The following PLCG2 variants were observed in gnomAD, a reference collection of about 807,000 sequenced individuals.
PLCG2 encodes phospholipase C gamma 2.
Under a neutral mutation model 175.6 loss-of-function variants are expected in PLCG2, and 69 were observed. The observed-to-expected ratio is 0.39, with a 90% confidence interval of 0.32 to 0.48. PLCG2 has a LOEUF of 0.48. Ranked by LOEUF, PLCG2 falls within the 20% of genes least tolerant of loss-of-function variation. The pLI is 0.91. For synonymous variants in PLCG2, 827 were observed against 624.0 expected (o/e 1.33, Z -4.85); for missense variants, 1,798 against 1,650.9 (o/e 1.09, Z -1.54).
At chr16:81,889,455 T>TACTGTA in intron 10 of PLCG2, 182 bp downstream of exon 10, 1 of 539,866 alleles carries the variant, frequency 1.9e-6, no homozygotes, top group Non-Finnish European at 3.4e-6. Flanking sequence ...GGTTCTAGAT[T>TACTGTA]ACTGTAACTG....
Position 81,917,656 on chromosome 16 carries a change from C to A in PLCG2, c.2055-1828C>A, listed in dbSNP as rs115210011. ...GATTAGTGATGCTGAACATTTTTTA[C>A]GTAACTGTTGGCCATTTATGTATCT... On this transcript the variant is annotated intron_variant, in intron 19 of 32. Transcript: ENST00000564138. Among the ~76,000 whole-genome samples, 1,224 of 152,274 alleles carry A rather than the reference C, an allele frequency of 8.0e-3. 18 individuals are homozygous for A. Among genetic ancestry groups the A allele is most frequent in the African/African-American group, 0.028 (1,170 of 41,558 alleles).
At position 81,910,682 on chromosome 16, in the gene PLCG2, G is replaced by T. The variant is rs746397807; in HGVS notation, c.1896G>T (p.Thr632=). Residue 632 remains threonine (T), a synonymous_variant, in exon 18 of 33, where the codon ACG becomes ACT. Transcript: ENST00000564138. ...GCGCCGAGTTCGAGCTGCGGCTCAC[G>T]GACCCTGTGCCCAACCCCAACCCCC... is the stretch of plus-strand genomic sequence containing the variant. The part of the protein sequence containing the change: ...LRCAEFELRL[T]DPVPNPNPHE... 3.1e-6 allele frequency: 5 copies of T among 1,612,188 alleles called. No homozygotes were observed. The African/African-American group carries it at 4.0e-5, about 13-fold the overall frequency.
At position 81,919,546 on chromosome 16, in the gene PLCG2, C is replaced by T; in HGVS notation, c.2117C>T (p.Thr706Ile). 1.9e-6 allele frequency: 3 copies of T among 1,614,074 alleles called. No individual in the cohort carries two copies. The highest frequency in any genetic ancestry group is 2.5e-6 in the Non-Finnish European group (3 of 1,179,988). The change falls in exon 20 of 33, where the codon ACC (threonine) becomes ATC (isoleucine). Residue 706 changes from threonine (T) to isoleucine (I), a missense_variant. Thr to Ile is a moderately conservative substitution (Grantham distance 89). Coordinates refer to ENST00000564138, the MANE Select transcript of PLCG2 (RefSeq NM_002661.5). ...GACGGCCGGCACTTTGTGCTGGGGA[C>T]CTCCGCCTATTTTGAGAGTCTGGTG... ...NRDGRHFVLG[T>I]SAYFESLVEL...
intron 2 of PLCG2, among the ~76,000 whole-genome samples, chr16:81,814,973 C>T (rs1284775737): frequency 1.3e-5 from 2 of 152,172 alleles, no homozygotes; most frequent in African/African-American, 2.4e-5. Flanking sequence ...GAGATGGTGG[C>T]GATAAGAAGT....
chr16:81,850,726 A>C (rs1906362602), intron 2 of PLCG2, among the ~76,000 whole-genome samples: 1 of 152,192 alleles, frequency 6.6e-6, no homozygotes, highest in Non-Finnish European at 1.5e-5. Context: ...TGGCACCTGC[A>C]CAGTGTAACA....
intron 1 of PLCG2, among the ~76,000 whole-genome samples, chr16:81,744,377 A>C (rs547789998): frequency 1.1e-4 from 17 of 151,700 alleles, no homozygotes; most frequent in African/African-American, 3.9e-4. Flanking sequence ...ATTAGCCAGG[A>C]TGGTCTCAAT....
At chr16:81,845,947 C>T (rs760562111) in intron 2 of PLCG2, among the ~76,000 whole-genome samples, 2 of 152,220 alleles carry the variant, frequency 1.3e-5, no homozygotes, top group Non-Finnish European at 2.9e-5. Flanking sequence ...CAAGGTACTT[C>T]ACTTCTCCAC....
chr16:81,832,751 T>C (rs745459889), intron 2 of PLCG2, among the ~76,000 whole-genome samples: 15 of 152,238 alleles, frequency 9.9e-5, no homozygotes, highest in Non-Finnish European at 1.8e-4. Flanking sequence ...TGATATCCAG[T>C]TGACTGCGTG....
intron 2 of PLCG2, among the ~76,000 whole-genome samples, chr16:81,807,285 T>C (rs1321988840): frequency 6.6e-6 from 1 of 152,196 alleles, no homozygotes; most frequent in African/African-American, 2.4e-5. Context: ...GGTGCCTTGG[T>C]AACCCTTCTG....
chr16:81,861,554 C>T (rs1042001235), intron 5 of PLCG2, among the ~76,000 whole-genome samples: 2 of 152,256 alleles, frequency 1.3e-5, no homozygotes, highest in Non-Finnish European at 2.9e-5. Flanking sequence ...AAATGCCCTG[C>T]CTGCTCCGCC....
chr16:81,770,001 G>C (rs1910243257), intron 2 of PLCG2, among the ~76,000 whole-genome samples: 1 of 152,080 alleles, frequency 6.6e-6, no homozygotes, highest in African/African-American at 2.4e-5. Context: ...GAAATACATT[G>C]ACTGCACGAA....
At chr16:81,928,229 T>C (rs971014357) in intron 23 of PLCG2, among the ~76,000 whole-genome samples, 3 of 152,104 alleles carry the variant, frequency 2.0e-5, no homozygotes, top group African/African-American at 7.2e-5. Context: ...AATAGTCTCA[T>C]TTTCTAATAA....
rs529869406 is a variant in PLCG2 at position 81,916,934 on chromosome 16, G to A, written c.2055-2550G>A. 9.9e-5 allele frequency among the ~76,000 whole-genome samples: 15 copies of A among 152,180 alleles called. No homozygotes were observed. In the South Asian group the frequency reaches 1.7e-3, roughly 17 times the overall value. ...ATTACAGGTGTGAGCCACCACGCCCGGCCAGGACTTTGTTATTGACTATAG... is the reference window on the plus strand; with the variant it reads ...ATTACAGGTGTGAGCCACCACGCCCAGCCAGGACTTTGTTATTGACTATAG... On this transcript the variant is annotated intron_variant, in intron 19 of 32. Transcript: ENST00000564138.
intron 9 of PLCG2, among the ~76,000 whole-genome samples, chr16:81,887,706 A>G (rs1306094025): frequency 6.6e-6 from 1 of 152,174 alleles, no homozygotes; most frequent in African/African-American, 2.4e-5. Flanking sequence ...CTGGTCGCAT[A>G]TTTGCTTCTA....
chr16:81,908,705 A>G (rs1296050689), intron 17 of PLCG2, 114 bp downstream of exon 17: 3 of 897,346 alleles, frequency 3.3e-6, no homozygotes, highest in Non-Finnish European at 5.0e-6. Flanking sequence ...CCTGAATCCC[A>G]GGCTTCATTT....
intron 2 of PLCG2, among the ~76,000 whole-genome samples, chr16:81,773,677 C>G (rs922195539): frequency 6.6e-6 from 1 of 152,186 alleles, no homozygotes; most frequent in African/African-American, 2.4e-5. Flanking sequence ...GTAGTGACTA[C>G]TGAGTCAGCT....
intron 11 of PLCG2, among the ~76,000 whole-genome samples, chr16:81,892,440 G>A (rs985853761): frequency 6.6e-6 from 1 of 152,124 alleles, no homozygotes; most frequent in Non-Finnish European, 1.5e-5. Flanking sequence ...CACAGCTGTG[G>A]GTGGGGACTT....
intron 9 of PLCG2, among the ~76,000 whole-genome samples, chr16:81,884,427 C>T (rs1908253482): frequency 6.6e-6 from 1 of 152,068 alleles, no homozygotes; most frequent in African/African-American, 2.4e-5. Flanking sequence ...CAAGTACCTA[C>T]AGTGCTGAGG....
chr16:81,827,790 T>TA (rs1289775942), intron 2 of PLCG2, among the ~76,000 whole-genome samples: 1 of 151,608 alleles, frequency 6.6e-6, no homozygotes, highest in Non-Finnish European at 1.5e-5. Flanking sequence ...TCTCCTCATT[T>TA]AAAAAAAAGC....
Sources: gnomAD v4.1 joint callset for allele counts (sites outside exome capture counted in the v4.1 genomes callset) on GRCh38, gnomAD v4.1.1 for gene constraint, MANE v1.5 for transcripts, NCBI Gene and HGNC (gene_info 2026-07-23, HGNC 2026-07-21) for gene names.